TTC28: variants seen among roughly 807,000 people sequenced by gnomAD.
The protein encoded by TTC28 is tetratricopeptide repeat protein 28.
TTC28 carries 61 observed loss-of-function variants against 198.0 expected under a neutral mutation model. The observed-to-expected ratio is 0.31, with a 90% CI of 0.25 to 0.38. TTC28 has a LOEUF of 0.38. Among genes scored for constraint, TTC28 ranks in the 10% least tolerant of loss-of-function variants. TTC28 has a pLI of 1.00. For missense variants in TTC28, 2,678 were observed against 3,164.0 expected (o/e 0.85, Z 3.69); for synonymous variants, 1,171 against 1,297.8 (o/e 0.90, Z 2.10).
intron 2 of TTC28, among the ~76,000 whole-genome samples, chr22:28,375,147 G>T (rs868560733): frequency 1.3e-5 from 2 of 152,004 alleles, no homozygotes; most frequent in Non-Finnish European, 1.5e-5. Context: ...CCACAAAAAA[G>T]AAAGGAAAGC....
intron 2 of TTC28, among the ~76,000 whole-genome samples, chr22:28,400,756 TA>T: frequency 6.6e-6 from 1 of 152,346 alleles, no homozygotes; most frequent in Non-Finnish European, 1.5e-5. Context: ...AAATATTGGC[TA>T]AAATATTTAG....
At position 28,302,153 on chromosome 22, in the gene TTC28, G is replaced by A. The variant is rs551693191; in HGVS notation, c.530-4301C>T. On this transcript the variant is annotated intron_variant, in intron 3 of 22. Coordinates refer to ENST00000397906, the MANE Select transcript of TTC28 (RefSeq NM_001145418.2). ...AGTTGTTATTAACTCTGTCAGGGTA[G>A]GTCTGGGAAGGCTTCCCAGAGGAAG... 7.9e-5 allele frequency among the ~76,000 whole-genome samples: 12 copies of A among 152,188 alleles called. 1 individual carries two copies. Among genetic ancestry groups the A allele is most frequent in the African/African-American group, 2.9e-4 (12 of 41,526 alleles).
intron 2 of TTC28, among the ~76,000 whole-genome samples, chr22:28,327,674 T>C (rs1203521967): frequency 2.0e-5 from 3 of 152,220 alleles, no homozygotes; most frequent in African/African-American, 4.8e-5. Context: ...TTGCATGTTT[T>C]GATTAGAGGA....
chr22:28,035,899 CA>C (rs1389873270), intron 12 of TTC28, among the ~76,000 whole-genome samples: 11 of 152,178 alleles, frequency 7.2e-5, no homozygotes, highest in African/African-American at 2.4e-4. Context: ...AAGGCCACTA[CA>C]TAAATGGTTA....
At position 28,485,943 on chromosome 22, in the gene TTC28, A is replaced by C. The variant is rs925362973; in HGVS notation, c.381+143609T>G. Among the ~76,000 whole-genome samples the C allele has an allele frequency of 2.6e-5, 4 of 152,128 alleles. No homozygotes were observed. The East Asian group carries it at 7.7e-4, about 29-fold the overall frequency. ...TAAAAATGTAAAGGTATTAAGAGCA[A>C]AATTTTGGTGTTGATAAATTTAAGT... On this transcript the variant is annotated intron_variant, in intron 2 of 22. Coordinates refer to ENST00000397906, the MANE Select transcript of TTC28 (RefSeq NM_001145418.2).
chr22:28,007,750 CAGCACGCA>C (rs1937985703), intron 14 of TTC28: 1 of 152,210 alleles, frequency 6.6e-6, no homozygotes, highest in Non-Finnish European at 1.5e-5. Context: ...AGAATAGAGC[CAGCACGCA>C]GATGACACTC....
At chr22:28,236,988 T>C (rs1433619490) in intron 5 of TTC28, among the ~76,000 whole-genome samples, 2 of 152,226 alleles carry the variant, frequency 1.3e-5, no homozygotes, top group African/African-American at 4.8e-5. Flanking sequence ...AATTACCTGA[T>C]TAAAGTAATG....
intron 2 of TTC28, among the ~76,000 whole-genome samples, chr22:28,425,492 G>A (rs528717384): frequency 6.6e-6 from 1 of 152,294 alleles, no homozygotes; most frequent in Admixed American, 6.5e-5. Context: ...CAAAAGGAAT[G>A]CACGATTCGC....
intron 2 of TTC28, among the ~76,000 whole-genome samples, chr22:28,364,833 T>C (rs577975081): frequency 6.6e-6 from 1 of 152,300 alleles, no homozygotes; most frequent in African/African-American, 2.4e-5. Flanking sequence ...GAAAAGTAAA[T>C]GGTTCTTGAG....
intron 5 of TTC28, among the ~76,000 whole-genome samples, chr22:28,289,823 C>A (rs905477849): frequency 7.2e-5 from 11 of 152,074 alleles, no homozygotes; most frequent in African/African-American, 2.7e-4. Flanking sequence ...ATCAGGAGAT[C>A]GAGACCAGCC....
chr22:28,099,251 A>G (rs375648300), intron 9 of TTC28, among the ~76,000 whole-genome samples: 303 of 152,282 alleles, frequency 2.0e-3, no homozygotes, highest in African/African-American at 6.9e-3. Context: ...GTCCAGCATG[A>G]CTCAGTGAGT....
At chr22:28,076,231 T>C (rs2146790841) in intron 12 of TTC28, among the ~76,000 whole-genome samples, 1 of 152,276 alleles carries the variant, frequency 6.6e-6, no homozygotes, top group South Asian at 2.1e-4. Flanking sequence ...TAATTAGAAA[T>C]ACCTATAATG....
At chr22:28,106,055 G>A (rs568943912) in intron 7 of TTC28, among the ~76,000 whole-genome samples, 35 of 152,272 alleles carry the variant, frequency 2.3e-4, no homozygotes, top group Non-Finnish European at 2.4e-4. Context: ...ACACCCCAGA[G>A]GAAACATAAA....
At chr22:28,429,205 C>G (rs1232122553) in intron 2 of TTC28, among the ~76,000 whole-genome samples, 1 of 152,168 alleles carries the variant, frequency 6.6e-6, no homozygotes, top group Non-Finnish European at 1.5e-5. Flanking sequence ...ACTTCCAAAT[C>G]AAAGAACAGC....
chr22:28,365,148 C>T (rs2046227612), intron 2 of TTC28, among the ~76,000 whole-genome samples: 3 of 152,180 alleles, frequency 2.0e-5, no homozygotes, highest in South Asian at 4.1e-4. Context: ...AACATTGAGG[C>T]AAGACCCCTC....
chr22:28,053,755 C>CT (rs900400373), intron 12 of TTC28, among the ~76,000 whole-genome samples: 5 of 151,838 alleles, frequency 3.3e-5, no homozygotes, highest in East Asian at 1.9e-4. Flanking sequence ...TTCCTCTTTT[C>CT]TTTTTTTTAA....
At chr22:28,308,770 G>T (rs1371013333) in intron 2 of TTC28, among the ~76,000 whole-genome samples, 5 of 152,158 alleles carry the variant, frequency 3.3e-5, no homozygotes, top group Admixed American at 6.6e-5. Flanking sequence ...TTCAAGAAAA[G>T]ATTTTAAAAA....
chr22:28,009,759 T>C (rs1027569038), intron 14 of TTC28, among the ~76,000 whole-genome samples: 2 of 152,246 alleles, frequency 1.3e-5, no homozygotes, highest in Non-Finnish European at 2.9e-5. Flanking sequence ...TTTTCACCTG[T>C]CTTCCCCAGG....
At chr22:28,678,360 G>A (rs2052036329) in intron 1 of TTC28, among the ~76,000 whole-genome samples, 1 of 152,110 alleles carries the variant, frequency 6.6e-6, no homozygotes, top group Non-Finnish European at 1.5e-5. Context: ...GACTGCAAGT[G>A]CACTCTACCA....
Sources: gnomAD v4.1 joint callset for allele counts (sites outside exome capture counted in the v4.1 genomes callset) on GRCh38, gnomAD v4.1.1 for gene constraint, MANE v1.5 for transcripts, NCBI Gene and HGNC (gene_info 2026-07-23, HGNC 2026-07-21) for gene names.